Variants in ZNF438 observed in about 807,000 individuals in gnomAD.
ZNF438 encodes the protein zinc finger protein 438.
In ZNF438, 25 loss-of-function variants were observed where a neutral mutation model predicts 38.0. The observed-to-expected ratio is 0.66, with a 90% CI of 0.48 to 0.92. The LOEUF is 0.92. Among genes scored for constraint, ZNF438 ranks in the 40% least tolerant of loss-of-function variants. The pLI, the probability that ZNF438 is intolerant of heterozygous loss-of-function variation, is 0.00. For synonymous variants in ZNF438, 372 were observed against 364.1 expected (o/e 1.02, Z -0.25); for missense variants, 1,007 against 999.6 (o/e 1.01, Z -0.10).
chr10:30,928,777 C>T (rs1255436175), intron 2 of ZNF438, among the ~76,000 whole-genome samples: 2 of 152,106 alleles, frequency 1.3e-5, no homozygotes, highest in African/African-American at 2.4e-5. Context: ...GAGAACAAAC[C>T]CCTCATCTCG....
At chr10:30,910,913 C>T (rs2043017670) in intron 2 of ZNF438, among the ~76,000 whole-genome samples, 1 of 151,714 alleles carries the variant, frequency 6.6e-6, no homozygotes, top group Non-Finnish European at 1.5e-5. Context: ...AGAAAACATC[C>T]AGAAGAGTCA....
chr10:31,016,586 T>G (rs1378565588), intron 1 of ZNF438, among the ~76,000 whole-genome samples: 1 of 152,170 alleles, frequency 6.6e-6, no homozygotes, highest in African/African-American at 2.4e-5. Flanking sequence ...ATTCCTCCTG[T>G]TTTCTCTTAC....
chr10:30,900,477 A>C (rs1379083600), intron 3 of ZNF438, among the ~76,000 whole-genome samples: 1 of 152,232 alleles, frequency 6.6e-6, no homozygotes, highest in African/African-American at 2.4e-5. Context: ...GAGCTATTTT[A>C]TTGGTACAAC....
At chr10:30,934,095 G>A (rs1179657022) in intron 2 of ZNF438, among the ~76,000 whole-genome samples, 2 of 151,132 alleles carry the variant, frequency 1.3e-5, no homozygotes, top group Non-Finnish European at 2.9e-5. Context: ...GCAGTGAGCC[G>A]AGATCGCGCC....
chr10:30,917,291 A>G (rs534635243), intron 2 of ZNF438, among the ~76,000 whole-genome samples: 2 of 152,054 alleles, frequency 1.3e-5, no homozygotes, highest in South Asian at 2.1e-4. Flanking sequence ...GATTGAAGCT[A>G]TATTATGCAC....
At chr10:31,010,605 G>A (rs140510345) in intron 1 of ZNF438, among the ~76,000 whole-genome samples, 4 of 152,114 alleles carry the variant, frequency 2.6e-5, no homozygotes, top group East Asian at 1.9e-4. Flanking sequence ...AAAATTTGTT[G>A]GCTAGACACA....
At chr10:31,010,949 C>A (rs553120460) in intron 1 of ZNF438, among the ~76,000 whole-genome samples, 2 of 134,916 alleles carry the variant, frequency 1.5e-5, no homozygotes, top group Non-Finnish European at 3.1e-5. Flanking sequence ...ACAGACAGAA[C>A]CTATGGTGTA....
chr10:30,908,318 T>A (rs1207419875), intron 3 of ZNF438, among the ~76,000 whole-genome samples: 1 of 152,222 alleles, frequency 6.6e-6, no homozygotes, highest in African/African-American at 2.4e-5. Flanking sequence ...GAGTGTTCCA[T>A]ATGCACTTGA....
At chr10:30,887,640 G>A (rs1470911499) in intron 3 of ZNF438, among the ~76,000 whole-genome samples, 6 of 152,016 alleles carry the variant, frequency 3.9e-5, no homozygotes, top group African/African-American at 9.7e-5. Context: ...TGCCCATCTC[G>A]GCCTCCCAAA....
chr10:31,013,689 T>C (rs997508996), intron 1 of ZNF438, among the ~76,000 whole-genome samples: 1 of 152,194 alleles, frequency 6.6e-6, no homozygotes, highest in Non-Finnish European at 1.5e-5. Context: ...CACCTCCTTA[T>C]GGATCTGATG....
At chr10:30,874,323 AT>A (rs940222424) in intron 4 of ZNF438, among the ~76,000 whole-genome samples, 3 of 151,372 alleles carry the variant, frequency 2.0e-5, no homozygotes, top group Non-Finnish European at 4.4e-5. Context: ...TAATTTTGAA[AT>A]TTTTTTGTAG....
chr10:30,874,362 CT>C, intron 4 of ZNF438, among the ~76,000 whole-genome samples: 1 of 151,960 alleles, frequency 6.6e-6, no homozygotes, highest in East Asian at 1.9e-4. Context: ...GTTGCCCAGG[CT>C]GGTCTCTAAC....
At chr10:30,874,103 G>T (rs12263652) in intron 4 of ZNF438, among the ~76,000 whole-genome samples, 289 of 16,724 alleles carry the variant, frequency 0.017, 5 homozygotes, top group African/African-American at 0.076. Context: ...GGTGTGTGGG[G>T]GTGTGTGTGT....
intron 1 of ZNF438, among the ~76,000 whole-genome samples, chr10:31,000,629 A>G (rs1172002810): frequency 6.6e-6 from 1 of 152,170 alleles, no homozygotes; most frequent in Non-Finnish European, 1.5e-5. Flanking sequence ...GTTCACCCAG[A>G]CTTTTAGAAG....
chr10:30,849,935 G>C, exon 5 of ZNF438: 1 of 1,614,176 alleles, frequency 6.2e-7, no homozygotes, highest in Non-Finnish European at 8.5e-7. Flanking sequence ...GGACATCTGA[G>C]GACACATTTG....
chr10:30,953,610 C>T (rs1466585208), intron 1 of ZNF438, among the ~76,000 whole-genome samples: 1 of 150,212 alleles, frequency 6.7e-6, no homozygotes, highest in Non-Finnish European at 1.5e-5. Flanking sequence ...ACAACGTGCA[C>T]ATGTACCCTA....
chr10:30,972,912 A>C (rs761757884), intron 1 of ZNF438, among the ~76,000 whole-genome samples: 1 of 152,218 alleles, frequency 6.6e-6, no homozygotes, highest in African/African-American at 2.4e-5. Flanking sequence ...TTTCAAATTT[A>C]AAATTCTAGA....
At chr10:30,952,383 A>G (rs983830518) in intron 1 of ZNF438, among the ~76,000 whole-genome samples, 59 of 152,250 alleles carry the variant, frequency 3.9e-4, no homozygotes, top group African/African-American at 1.4e-3. Flanking sequence ...ATGGCAACAA[A>G]AGCCAAAACT....
chr10:30,992,571 C>CA (rs2053615296), intron 1 of ZNF438, among the ~76,000 whole-genome samples: 1 of 152,172 alleles, frequency 6.6e-6, no homozygotes, highest in Non-Finnish European at 1.5e-5. Flanking sequence ...CGCCACCAAG[C>CA]CCCACTAATT....
Sources: gnomAD v4.1 joint callset for allele counts (sites outside exome capture counted in the v4.1 genomes callset) on GRCh38, gnomAD v4.1.1 for gene constraint, MANE v1.5 for transcripts, NCBI Gene and HGNC (gene_info 2026-07-23, HGNC 2026-07-21) for gene names.